SPAG9: variants seen among roughly 807,000 people sequenced by gnomAD.
The protein encoded by SPAG9 is C-Jun-amino-terminal kinase-interacting protein 4.
SPAG9 carries 35 observed loss-of-function variants against 166.5 expected under a neutral mutation model. The ratio of observed to expected loss-of-function variants is 0.21; its 90% CI spans 0.16 to 0.28. SPAG9 has a LOEUF of 0.28. SPAG9 is among the 10% of genes least tolerant of loss of function. The probability of loss-of-function intolerance (pLI) is 1.00; values close to 1 mark genes in which losing one functional copy is unlikely to be tolerated. For missense variants in SPAG9, 1,235 were observed against 1,603.3 expected, an observed-to-expected ratio of 0.77 and a Z score of 3.92; for synonymous variants, 534 against 565.5, an observed-to-expected ratio of 0.94 and a Z score of 0.79.
In SPAG9 at chr17:51,080,322, C is replaced by T. The variant is rs546381762; in HGVS notation, c.304-618G>A. Among the ~76,000 whole-genome samples the T allele has an allele frequency of 2.1e-3, 314 of 150,198 alleles. 2 individuals are homozygous for T. Among genetic ancestry groups the T allele is most frequent in the Admixed American group, 3.5e-3 (53 of 15,058 alleles). On this transcript the variant is annotated intron_variant, in intron 1 of 29. Coordinates refer to ENST00000262013, the MANE Select transcript of SPAG9 (RefSeq NM_001130528.3). The stretch of plus-strand genomic sequence containing the variant: ...TTTTTTTTTTTTTTTAATTTGGCTA[C>T]CAGGATGTTTTCTTGTTTGCTGCTC...
chr17:51,058,935 G>A (rs1039058713), intron 2 of SPAG9, among the ~76,000 whole-genome samples: 2 of 152,168 alleles, frequency 1.3e-5, no homozygotes, highest in African/African-American at 2.4e-5. Context: ...TTGCTAGAAA[G>A]CCTATATATA....
chr17:51,006,459 T>C (rs1221359862), intron 10 of SPAG9, among the ~76,000 whole-genome samples: 1 of 152,160 alleles, frequency 6.6e-6, no homozygotes, highest in Non-Finnish European at 1.5e-5. Context: ...GATCATCAAT[T>C]ACTAAAAAGT....
intron 23 of SPAG9, 106 bp from the exon 24 acceptor site, chr17:50,985,096 G>A: frequency 3.5e-6 from 3 of 862,824 alleles, no homozygotes; most frequent in Non-Finnish European, 3.8e-6. Flanking sequence ...TCTGTGATGA[G>A]TTAAGGAGCT....
intron 28 of SPAG9, among the ~76,000 whole-genome samples, chr17:50,972,972 G>A (rs1406033528): frequency 6.6e-6 from 1 of 152,136 alleles, no homozygotes; most frequent in African/African-American, 2.4e-5. Context: ...ACACAAGAAG[G>A]TCTGCTTCAG....
At chr17:51,006,690 T>C (rs1385403346) in intron 10 of SPAG9, among the ~76,000 whole-genome samples, 2 of 152,212 alleles carry the variant, frequency 1.3e-5, no homozygotes, top group Non-Finnish European at 2.9e-5. Flanking sequence ...TTATTATAAC[T>C]GCATTCTGTC....
At chr17:51,096,877 C>G (rs2048663602) in intron 1 of SPAG9, among the ~76,000 whole-genome samples, 1 of 152,208 alleles carries the variant, frequency 6.6e-6, no homozygotes, top group African/African-American at 2.4e-5. Flanking sequence ...TTCCTAAAAT[C>G]CTTAGAATCT....
intron 9 of SPAG9, among the ~76,000 whole-genome samples, chr17:51,011,295 C>CAA (rs112442746): frequency 1.8e-5 from 2 of 112,674 alleles, no homozygotes; most frequent in African/African-American, 6.7e-5. Flanking sequence ...GATCTCACCT[C>CAA]AAAAAAAAAA....
At chr17:51,081,188 T>C (rs1218508281) in intron 1 of SPAG9, among the ~76,000 whole-genome samples, 1 of 152,170 alleles carries the variant, frequency 6.6e-6, no homozygotes, top group Non-Finnish European at 1.5e-5. Context: ...GTCTTCTTAC[T>C]TCCACCCTAA....
chr17:51,065,494 T>C (rs1188361116), intron 2 of SPAG9, among the ~76,000 whole-genome samples: 4 of 152,172 alleles, frequency 2.6e-5, no homozygotes, highest in African/African-American at 4.8e-5. Flanking sequence ...GGACATTTCA[T>C]TAAAATGTCC....
chr17:51,089,619 T>TA (rs2048398259), intron 1 of SPAG9, among the ~76,000 whole-genome samples: 12 of 74,324 alleles, frequency 1.6e-4, no homozygotes, highest in East Asian at 4.1e-4. Flanking sequence ...TACACTTTAT[T>TA]TTATATATAT....
intron 5 of SPAG9, among the ~76,000 whole-genome samples, chr17:51,040,268 A>G (rs1184021276): frequency 6.7e-6 from 1 of 149,950 alleles, no homozygotes; most frequent in Non-Finnish European, 1.5e-5. Flanking sequence ...AAAAAAAGTG[A>G]GAGCGAGCGA....
intron 3 of SPAG9, among the ~76,000 whole-genome samples, chr17:51,054,200 C>T (rs1364016749): frequency 2.1e-5 from 3 of 146,016 alleles, no homozygotes; most frequent in Non-Finnish European, 4.5e-5. Context: ...CACTGTATCC[C>T]CTACCTCCTG....
chr17:51,051,044 CA>C (rs778219207), intron 3 of SPAG9, among the ~76,000 whole-genome samples: 1 of 115,028 alleles, frequency 8.7e-6, no homozygotes, highest in Non-Finnish European at 1.8e-5. Flanking sequence ...AAAAAAAAAA[CA>C]AAAAGAAAAA....
chr17:51,046,423 G>A (rs2047022669), intron 4 of SPAG9: 22 of 989,260 alleles, frequency 2.2e-5, no homozygotes, highest in Non-Finnish European at 3.2e-5. Context: ...AACAGAAATT[G>A]TTACAAAGCA....
Position 51,120,574 on chromosome 17 carries a change from G to A in SPAG9, c.83C>T (p.Ala28Val). ...AVMSERVSGLAGSIYREFERL... is the reference protein window; with the variant it reads ...AVMSERVSGLVGSIYREFERL... ...CTCGAACTCGCGGTAGATGGAGCCG[G>A]CCAGGCCGGACACCCGCTCCGACAT... is the stretch of plus-strand genomic sequence containing the variant. The change falls in exon 1 of 30, where the codon GCC (alanine) becomes GTC (valine). Residue 28 changes from alanine (A) to valine (V), a missense_variant. Ala to Val is a moderately conservative substitution (Grantham distance 64, BLOSUM62 0). Transcript: ENST00000262013. The surrounding 1 kb of genome is among the most constrained non-coding windows in gnomAD (Gnocchi z 4.7). The A allele has an allele frequency of 1.2e-6, 2 of 1,613,416 alleles. No individual in the cohort carries two copies. The highest frequency in any genetic ancestry group is 1.7e-6 in the Non-Finnish European group (2 of 1,179,716).
At chr17:51,092,424 G>A (rs1292365545) in intron 1 of SPAG9, among the ~76,000 whole-genome samples, 2 of 152,100 alleles carry the variant, frequency 1.3e-5, no homozygotes, top group Non-Finnish European at 2.9e-5. Context: ...GATACTGATT[G>A]AAAACAACCA....
At chr17:51,036,563 C>T (rs576722922) in intron 5 of SPAG9, among the ~76,000 whole-genome samples, 3 of 152,242 alleles carry the variant, frequency 2.0e-5, no homozygotes, top group East Asian at 1.9e-4. Flanking sequence ...CCCTACCACA[C>T]ACAGATGCTG....
intron 1 of SPAG9, among the ~76,000 whole-genome samples, chr17:51,116,405 AC>A (rs1022558562): frequency 9.9e-5 from 15 of 151,664 alleles, no homozygotes; most frequent in Non-Finnish European, 1.8e-4. Flanking sequence ...TTGCAGAAAA[AC>A]CCTAACATAC....
At chr17:50,994,438 A>G (rs1309888402) in intron 18 of SPAG9, among the ~76,000 whole-genome samples, 1 of 152,134 alleles carries the variant, frequency 6.6e-6, no homozygotes, top group Non-Finnish European at 1.5e-5. Flanking sequence ...CCACCTATCA[A>G]TATTAATTAG....
Sources: allele counts gnomAD v4.1 joint callset (sites outside exome capture counted in the v4.1 genomes callset), GRCh38; gene constraint gnomAD v4.1.1; non-coding constraint Gnocchi (gnomAD v3.1); transcripts MANE v1.5; gene names NCBI Gene and HGNC (gene_info 2026-07-23, HGNC 2026-07-21).